The following MDFIC2 variants were observed in gnomAD, a reference collection of about 807,000 sequenced individuals.
MDFIC2 encodes the protein myoD family inhibitor domain-containing protein 2.
intron 2 of MDFIC2, among the ~76,000 whole-genome samples, chr3:70,289,714 G>C (rs528816994): frequency 2.6e-5 from 4 of 152,066 alleles, no homozygotes; most frequent in Admixed American, 2.6e-4. Flanking sequence ...ACCTAGATTT[G>C]GTCTTTTCAC....
chr3:70,242,464 C>G (rs1701673441), intron 2 of MDFIC2, among the ~76,000 whole-genome samples: 2 of 152,112 alleles, frequency 1.3e-5, no homozygotes, highest in African/African-American at 4.8e-5. Context: ...CATGACCATC[C>G]TTTGGGGCAG....
chr3:70,311,817 A>C (rs1020071146), intron 2 of MDFIC2, 69 bp downstream of exon 2: 3 of 395,304 alleles, frequency 7.6e-6, no homozygotes, highest in Non-Finnish European at 8.9e-6. Context: ...CTTCTCCCAC[A>C]CTATTCCTTG....
chr3:70,263,587 TCATGC>T (rs1449894699), intron 2 of MDFIC2, among the ~76,000 whole-genome samples: 2 of 152,196 alleles, frequency 1.3e-5, no homozygotes, highest in African/African-American at 2.4e-5. Flanking sequence ...AGAAAGTTTG[TCATGC>T]CTAGCCTCAT....
At chr3:70,251,638 G>A (rs961491404) in intron 2 of MDFIC2, among the ~76,000 whole-genome samples, 1 of 152,058 alleles carries the variant, frequency 6.6e-6, no homozygotes, top group African/African-American at 2.4e-5. Context: ...GCAAATTTAG[G>A]TTCTGCTTTT....
intron 2 of MDFIC2, among the ~76,000 whole-genome samples, chr3:70,299,694 C>A (rs1362523519): frequency 6.6e-6 from 1 of 152,076 alleles, no homozygotes; most frequent in Non-Finnish European, 1.5e-5. Context: ...TAACTAGTCA[C>A]TCTGGTTTCA....
intron 2 of MDFIC2, among the ~76,000 whole-genome samples, chr3:70,301,632 G>T (rs527566325): frequency 1.5e-4 from 23 of 152,122 alleles, no homozygotes; most frequent in African/African-American, 5.1e-4. Flanking sequence ...ATCAATCTGC[G>T]TTTGCACATA....
intron 2 of MDFIC2, among the ~76,000 whole-genome samples, chr3:70,264,795 A>C (rs937331009): frequency 1.3e-5 from 2 of 152,198 alleles, no homozygotes; most frequent in African/African-American, 4.8e-5. Context: ...GGAGCTATGG[A>C]AACTCTTGGG....
intron 2 of MDFIC2, among the ~76,000 whole-genome samples, chr3:70,230,683 T>C (rs1701550652): frequency 6.6e-6 from 1 of 152,202 alleles, no homozygotes; most frequent in Non-Finnish European, 1.5e-5. Flanking sequence ...TAATCAATTC[T>C]AGGTTTCTTT....
chr3:70,196,793 C>T lies in MDFIC2; in HGVS notation c.*133G>A, dbSNP rs1440331712. 7.6e-6 allele frequency: 3 copies of T among 396,512 alleles called. No individual in the cohort carries two copies. Among genetic ancestry groups the T allele is most frequent in the Non-Finnish European group, 1.3e-5 (3 of 225,364 alleles). 24.6% of individuals were successfully genotyped at this position (396,512 alleles called of 1,614,324 possible). On this transcript the variant is annotated 3_prime_UTR_variant, in exon 4 of 4. Coordinates refer to ENST00000567252, the MANE Select transcript of MDFIC2 (RefSeq NM_001364677.1). ...TAATACTAGCTTTCCTAGACAGGTG[C>T]AGAATAAAATGGCCTATAGCATCCA...
At chr3:70,239,804 C>A (rs540317641) in intron 2 of MDFIC2, among the ~76,000 whole-genome samples, 1 of 152,206 alleles carries the variant, frequency 6.6e-6, no homozygotes, top group African/African-American at 2.4e-5. Context: ...ACGTCTCGTT[C>A]AACTCAGTGT....
At chr3:70,251,725 T>A (rs1701770833) in intron 2 of MDFIC2, among the ~76,000 whole-genome samples, 1 of 152,130 alleles carries the variant, frequency 6.6e-6, no homozygotes, top group East Asian at 1.9e-4. Flanking sequence ...CCTAATACCA[T>A]ACCTAAGTAG....
chr3:70,250,226 C>A (rs534491190), intron 2 of MDFIC2, among the ~76,000 whole-genome samples: 8 of 152,168 alleles, frequency 5.3e-5, no homozygotes, highest in Non-Finnish European at 1.2e-4. Context: ...CCTCTTAATT[C>A]TTCTCATCTT....
intron 2 of MDFIC2, among the ~76,000 whole-genome samples, chr3:70,285,567 A>C (rs1354049892): frequency 6.6e-6 from 1 of 151,930 alleles, no homozygotes; most frequent in Non-Finnish European, 1.5e-5. Flanking sequence ...CTTTGGGTAT[A>C]TACCCAGTAA....
chr3:70,224,732 C>A (rs1241237807), intron 2 of MDFIC2, among the ~76,000 whole-genome samples: 8 of 151,400 alleles, frequency 5.3e-5, no homozygotes, highest in African/African-American at 1.7e-4. Flanking sequence ...TTTTTTAATT[C>A]ATTTAACCAT....
At chr3:70,229,815 A>T (rs1435958954) in intron 2 of MDFIC2, among the ~76,000 whole-genome samples, 2 of 152,144 alleles carry the variant, frequency 1.3e-5, no homozygotes, top group East Asian at 1.9e-4. Flanking sequence ...TTAAATTTGG[A>T]TACTAAAATT....
intron 2 of MDFIC2, among the ~76,000 whole-genome samples, chr3:70,221,225 C>T (rs1201223180): frequency 2.0e-5 from 3 of 152,020 alleles, no homozygotes; most frequent in Non-Finnish European, 2.9e-5. Context: ...TTCATTAGTG[C>T]CTGCTATAAT....
intron 2 of MDFIC2, among the ~76,000 whole-genome samples, chr3:70,229,193 A>C (rs1701536201): frequency 6.6e-6 from 1 of 152,212 alleles, no homozygotes; most frequent in South Asian, 2.1e-4. Flanking sequence ...TACACATACA[A>C]GAAAAGAAAA....
At chr3:70,275,672 T>C (rs1445751396) in intron 2 of MDFIC2, among the ~76,000 whole-genome samples, 1 of 152,226 alleles carries the variant, frequency 6.6e-6, no homozygotes, top group African/African-American at 2.4e-5. Context: ...TCTTCATCTG[T>C]TCATCAGCGA....
intron 2 of MDFIC2, among the ~76,000 whole-genome samples, chr3:70,270,424 G>C (rs996392836): frequency 1.3e-5 from 2 of 152,204 alleles, no homozygotes; most frequent in Admixed American, 1.3e-4. Context: ...ATAAATACAA[G>C]ATCTGTTTAA....
Sources: gnomAD v4.1 joint callset for allele counts (sites outside exome capture counted in the v4.1 genomes callset) on GRCh38, gnomAD v4.1.1 for gene constraint, MANE v1.5 for transcripts, NCBI Gene and HGNC (gene_info 2026-07-23, HGNC 2026-07-21) for gene names.